The following PAPPA2 variants were observed in gnomAD, a reference collection of about 807,000 sequenced individuals.
PAPPA2 encodes the protein pappalysin 2.
Under a neutral mutation model 176.4 loss-of-function variants are expected in PAPPA2, and 86 were observed. The ratio of observed to expected loss-of-function variants is 0.49; its 90% CI spans 0.41 to 0.58. The LOEUF is 0.58. Ranked by LOEUF, PAPPA2 falls within the 20% of genes least tolerant of loss-of-function variation. PAPPA2 has a pLI of 0.00. For missense variants in PAPPA2, 2,073 were observed against 2,256.9 expected (o/e 0.92, Z 1.65); for synonymous variants, 809 against 852.2 (o/e 0.95, Z 0.88).
rs1667590453 is a variant in PAPPA2 at position 176,844,392 on chromosome 1, C to A, written c.*1938C>A. On this transcript the variant is annotated 3_prime_UTR_variant, in exon 23 of 23. Coordinates refer to ENST00000367662, the MANE Select transcript of PAPPA2 (RefSeq NM_020318.3). ...ACTATCACGTAGGGAAGAACAATAT[C>A]CTGAAAGAGAATAAAACACGAATAA... 6.6e-6 allele frequency: 1 copy of A among 152,118 alleles called. No individual in the cohort carries two copies. Among genetic ancestry groups the A allele is most frequent in the Non-Finnish European group, 1.5e-5 (1 of 67,988 alleles). The allele number at this position is 152,118 out of a possible 1,614,324, so 9.4% of individuals were successfully genotyped here. A position where few individuals can be genotyped will look rare whatever the true frequency, so the allele number is the denominator to read the frequency against.
chr1:176,516,721 A>G (rs1271236396), intron 1 of PAPPA2, among the ~76,000 whole-genome samples: 1 of 152,186 alleles, frequency 6.6e-6, no homozygotes, highest in Non-Finnish European at 1.5e-5. Context: ...CCAAAACTAT[A>G]AGAAAGTCCA....
At chr1:176,502,246 A>G (rs191934750) in intron 1 of PAPPA2, among the ~76,000 whole-genome samples, 2 of 152,316 alleles carry the variant, frequency 1.3e-5, no homozygotes, top group East Asian at 3.9e-4. Flanking sequence ...TGATGCCCCA[A>G]ACAAGGTTTT....
chr1:176,731,710 T>C (rs564508999), intron 12 of PAPPA2, among the ~76,000 whole-genome samples: 4 of 151,788 alleles, frequency 2.6e-5, no homozygotes, highest in Non-Finnish European at 4.4e-5. Context: ...TATATGTGTA[T>C]ATATACACAC....
chr1:176,742,213 A>G (rs1281039404), intron 14 of PAPPA2, among the ~76,000 whole-genome samples: 1 of 152,218 alleles, frequency 6.6e-6, no homozygotes, highest in Non-Finnish European at 1.5e-5. Context: ...GAATATCTAC[A>G]GAAGGCCTAG....
At chr1:176,510,992 A>T (rs968625318) in intron 1 of PAPPA2, among the ~76,000 whole-genome samples, 1 of 152,144 alleles carries the variant, frequency 6.6e-6, no homozygotes, top group Non-Finnish European at 1.5e-5. Flanking sequence ...AACTATTAAG[A>T]TAGTTAATTC....
chr1:176,623,737 T>C (rs58945077), intron 3 of PAPPA2, among the ~76,000 whole-genome samples: 1 of 145,082 alleles, frequency 6.9e-6, no homozygotes, highest in East Asian at 2.0e-4. Flanking sequence ...TCTTTCTTTC[T>C]TTCTCTCTCT....
intron 1 of PAPPA2, among the ~76,000 whole-genome samples, chr1:176,505,488 T>C (rs1160161316): frequency 6.6e-6 from 1 of 152,084 alleles, no homozygotes; most frequent in Non-Finnish European, 1.5e-5. Context: ...AGCCATAGAT[T>C]GACCAACTTT....
At chr1:176,660,102 T>C (rs1573209295) in intron 3 of PAPPA2, among the ~76,000 whole-genome samples, 1 of 152,140 alleles carries the variant, frequency 6.6e-6, no homozygotes, top group Admixed American at 6.5e-5. Context: ...CTACCTCTTC[T>C]GGGCAAGTCT....
chr1:176,533,156 G>A (rs1649903993), intron 1 of PAPPA2, among the ~76,000 whole-genome samples: 1 of 152,220 alleles, frequency 6.6e-6, no homozygotes, highest in Non-Finnish European at 1.5e-5. Context: ...ACATGGTGTA[G>A]GTAAGCCTAT....
At chr1:176,613,878 C>T (rs974478727) in intron 3 of PAPPA2, among the ~76,000 whole-genome samples, 2 of 152,258 alleles carry the variant, frequency 1.3e-5, no homozygotes, top group Non-Finnish European at 2.9e-5. Flanking sequence ...GTGTTGTCCA[C>T]GGTGGGGCCC....
chr1:176,677,725 A>T (rs1015772539), intron 4 of PAPPA2, among the ~76,000 whole-genome samples: 1 of 152,158 alleles, frequency 6.6e-6, no homozygotes, highest in African/African-American at 2.4e-5. Context: ...TCATCGATTC[A>T]TTCAAAGAAA....
rs573937728 is a variant in PAPPA2, at chr1:176,843,705, G to A, written c.*1251G>A. On this transcript the variant is annotated 3_prime_UTR_variant, in exon 23 of 23. Coordinates refer to ENST00000367662, the MANE Select transcript of PAPPA2 (RefSeq NM_020318.3). ...GGAGGAGATGAAAGAACAGGCAAGAGCTGTCAGGGTTAAATCCAGGCCCGG... is the reference window on the plus strand; with the variant it reads ...GGAGGAGATGAAAGAACAGGCAAGAACTGTCAGGGTTAAATCCAGGCCCGG... The A allele has an allele frequency of 6.6e-6, 1 of 152,260 alleles. No homozygotes were observed. The highest frequency in any genetic ancestry group is 2.1e-4 in the South Asian group (1 of 4,812). 9.4% of individuals were successfully genotyped at this position (152,260 alleles called of 1,614,324 possible).
At chr1:176,544,502 C>G (rs918409914) in intron 1 of PAPPA2, among the ~76,000 whole-genome samples, 1 of 152,152 alleles carries the variant, frequency 6.6e-6, no homozygotes, top group Non-Finnish European at 1.5e-5. Context: ...CAAATACTTT[C>G]GAGTAGGAAA....
chr1:176,507,232 A>G (rs573326494), intron 1 of PAPPA2, among the ~76,000 whole-genome samples: 5 of 152,256 alleles, frequency 3.3e-5, no homozygotes, highest in African/African-American at 1.2e-4. Context: ...CAAAACAACA[A>G]TGAGATACCA....
At chr1:176,819,576 GATA>G (rs946242062) in intron 21 of PAPPA2, among the ~76,000 whole-genome samples, 1 of 152,154 alleles carries the variant, frequency 6.6e-6, no homozygotes, top group African/African-American at 2.4e-5. Flanking sequence ...TCTCAAATGA[GATA>G]ATGTTTGTGA....
rs376449524 is a variant in PAPPA2, at chr1:176,686,176, G to C, written c.2138-3961G>C. Among the ~76,000 whole-genome samples the C allele has an allele frequency of 3.3e-5, 5 of 152,260 alleles. No individual in the cohort carries two copies. The East Asian group carries it at 9.7e-4, about 29-fold the overall frequency. ...GGTTGTATTAGTCCGTTCTCACGCT[G>C]CTTTGAAGAAATACCTGAGGCTGGG... On this transcript the variant is annotated intron_variant, in intron 4 of 22. Transcript: ENST00000367662.
intron 14 of PAPPA2, among the ~76,000 whole-genome samples, chr1:176,742,520 G>A (rs2102876850): frequency 6.6e-6 from 1 of 152,278 alleles, no homozygotes; most frequent in South Asian, 2.1e-4. Flanking sequence ...TTTACACTGT[G>A]TATCTGGAAT....
At chr1:176,656,768 C>T (rs1052894084) in intron 3 of PAPPA2, among the ~76,000 whole-genome samples, 1 of 146,222 alleles carries the variant, frequency 6.8e-6, no homozygotes, top group Admixed American at 6.8e-5. Context: ...TAATCTCCCT[C>T]TCTCTCTCTC....
At chr1:176,552,965 A>C (rs1651052522) in intron 1 of PAPPA2, among the ~76,000 whole-genome samples, 1 of 152,128 alleles carries the variant, frequency 6.6e-6, no homozygotes, top group Non-Finnish European at 1.5e-5. Flanking sequence ...GGTGTTTGTC[A>C]TAAACAAATA....
Sources: allele counts gnomAD v4.1 joint callset (sites outside exome capture counted in the v4.1 genomes callset), GRCh38; gene constraint gnomAD v4.1.1; transcripts MANE v1.5; gene names NCBI Gene and HGNC (gene_info 2026-07-23, HGNC 2026-07-21).